WNK3: variants seen among roughly 807,000 people sequenced by gnomAD.
WNK3 encodes the protein WNK lysine deficient protein kinase 3, also known as serine/threonine-protein kinase WNK3.
In WNK3, 18 loss-of-function variants were observed where a neutral mutation model predicts 116.7. The ratio of observed to expected loss-of-function variants is 0.15; its 90% CI spans 0.11 to 0.23. The LOEUF is 0.23. Ranked by LOEUF, WNK3 falls within the 10% of genes least tolerant of loss-of-function variation. WNK3 has a pLI of 1.00. For synonymous variants in WNK3, 404 were observed against 469.4 expected, an observed-to-expected ratio of 0.86 and a Z score of 1.80; for missense variants, 993 against 1,323.8, an observed-to-expected ratio of 0.75 and a Z score of 3.88.
At chrX:54,237,950 G>A (rs1272452028) in intron 19 of WNK3, among the ~76,000 whole-genome samples, 1 of 111,263 alleles carries the variant, frequency 9.0e-6, no homozygotes, top group African/African-American at 3.3e-5. Flanking sequence ...AAGTATCATC[G>A]GCCAGGCATG....
intron 1 of WNK3, among the ~76,000 whole-genome samples, chrX:54,335,563 G>A (rs782118281): frequency 4.7e-4 from 52 of 111,116 alleles, no homozygotes; most frequent in Non-Finnish European, 9.6e-4. Context: ...CTCAAAGGGC[G>A]CAGTTTGTCA....
chrX:54,197,094 T>C (rs1398322886), exon 24 of WNK3: 2 of 112,210 alleles, frequency 1.8e-5, no homozygotes, highest in Non-Finnish European at 3.8e-5. Flanking sequence ...CGAAACCTAC[T>C]GTGTCAAGTA....
chrX:54,297,078 TAAAC>T (rs2068706267), intron 7 of WNK3, among the ~76,000 whole-genome samples: 1 of 111,173 alleles, frequency 9.0e-6, no homozygotes, highest in Admixed American at 9.7e-5. Flanking sequence ...GTAGCTCTTG[TAAAC>T]TCTTAGGGAA....
At chrX:54,318,370 A>AG (rs1557171456) in intron 2 of WNK3, among the ~76,000 whole-genome samples, 1 of 109,646 alleles carries the variant, frequency 9.1e-6, no homozygotes, top group African/African-American at 3.3e-5. Context: ...AAAAAAAAAA[A>AG]AAAGGTTAAG....
chrX:54,347,701 T>C (rs782431241), intron 1 of WNK3, among the ~76,000 whole-genome samples: 1 of 97,583 alleles, frequency 1.0e-5, no homozygotes, highest in Non-Finnish European at 1.9e-5. Context: ...TATACACATA[T>C]ATATATACAC....
chrX:54,307,441 TA>T (rs2068838663), intron 5 of WNK3, among the ~76,000 whole-genome samples: 1 of 110,910 alleles, frequency 9.0e-6, no homozygotes, highest in Non-Finnish European at 1.9e-5. Flanking sequence ...ATTATTCCCT[TA>T]TTAGAAATGT....
chrX:54,343,625 G>T (rs2069362112), intron 1 of WNK3: 1 of 111,149 alleles, frequency 9.0e-6, no homozygotes, highest in African/African-American at 3.3e-5. Context: ...AGGATGACAT[G>T]CAAATTCGTG....
intron 17 of WNK3, among the ~76,000 whole-genome samples, chrX:54,241,423 C>T (rs1896411202): frequency 1.8e-5 from 2 of 111,401 alleles, no homozygotes; most frequent in African/African-American, 6.5e-5. Flanking sequence ...ATACTAAACT[C>T]GGCAAACAGA....
At chrX:54,317,399 C>A (rs906352097) in intron 2 of WNK3, among the ~76,000 whole-genome samples, 1 of 110,237 alleles carries the variant, frequency 9.1e-6, no homozygotes, top group Non-Finnish European at 1.9e-5. Flanking sequence ...ACCTTGTGAT[C>A]CGCCCACCTC....
At chrX:54,342,434 C>T (rs552788571) in intron 1 of WNK3, among the ~76,000 whole-genome samples, 5 of 108,374 alleles carry the variant, frequency 4.6e-5, no homozygotes, top group African/African-American at 6.7e-5. Flanking sequence ...GGCGTGGTGG[C>T]GGGCACCTGT....
intron 10 of WNK3, among the ~76,000 whole-genome samples, chrX:54,288,169 G>A (rs191298899): frequency 9.0e-6 from 1 of 111,643 alleles, no homozygotes; most frequent in East Asian, 2.8e-4. Context: ...TTCTGTAGGG[G>A]AAAAGTCAGA....
intron 17 of WNK3, among the ~76,000 whole-genome samples, chrX:54,243,840 C>G (rs570633963): frequency 1.8e-5 from 2 of 111,908 alleles, no homozygotes; most frequent in African/African-American, 6.5e-5. Context: ...ATGTTCGTAG[C>G]AGCACTATTC....
exon 20 of WNK3, chrX:54,237,377 C>T (rs1490006571): frequency 8.3e-7 from 1 of 1,206,958 alleles, no homozygotes; most frequent in Non-Finnish European, 1.1e-6. Flanking sequence ...TGTAACTTCT[C>T]ATAAGAAAAC....
chrX:54,352,169 C>A (rs1247951690), intron 1 of WNK3, among the ~76,000 whole-genome samples: 1 of 111,158 alleles, frequency 9.0e-6, no homozygotes, highest in African/African-American at 3.3e-5. Context: ...TAGGGAAATA[C>A]AATTCAAAAC....
At chrX:54,321,983 CAA>C (rs782573142) in intron 2 of WNK3, among the ~76,000 whole-genome samples, 10 of 61,105 alleles carry the variant, frequency 1.6e-4, no homozygotes, top group South Asian at 7.4e-4. Flanking sequence ...GACTCCATCC[CAA>C]AAAAAAAAAA....
chrX:54,278,810 C>T (rs1156818975), intron 10 of WNK3, among the ~76,000 whole-genome samples: 1 of 111,959 alleles, frequency 8.9e-6, no homozygotes, highest in African/African-American at 3.2e-5. Flanking sequence ...GTGGTTCATG[C>T]CTGTAATCCC....
intron 15 of WNK3, 119 bp from the exon 16 acceptor site, chrX:54,250,250 T>A: frequency 1.4e-6 from 1 of 695,621 alleles, no homozygotes; most frequent in Non-Finnish European, 2.0e-6. Flanking sequence ...CTAATAGTAC[T>A]AGAATATATG....
chrX:54,269,180 C>T (rs1287417077), intron 10 of WNK3, among the ~76,000 whole-genome samples: 1 of 110,768 alleles, frequency 9.0e-6, no homozygotes, highest in Non-Finnish European at 1.9e-5. Context: ...AACAACTGGC[C>T]TCTGCATTGC....
At chrX:54,206,347 G>A (rs901013895) in intron 22 of WNK3, among the ~76,000 whole-genome samples, 1 of 111,099 alleles carries the variant, frequency 9.0e-6, no homozygotes. Context: ...CTATGATCAC[G>A]CTACTGCATT....
Sources: allele counts gnomAD v4.1 joint callset (sites outside exome capture counted in the v4.1 genomes callset), GRCh38; gene constraint gnomAD v4.1.1; transcripts MANE v1.5; gene names NCBI Gene and HGNC (gene_info 2026-07-23, HGNC 2026-07-21).